The following PDZRN4 variants were observed in gnomAD, a reference collection of about 807,000 sequenced individuals.
PDZRN4 encodes the protein PDZ domain containing ring finger 4.
Under a neutral mutation model 99.0 loss-of-function variants are expected in PDZRN4, and 70 were observed. The observed-to-expected ratio is 0.71, with a 90% CI of 0.58 to 0.86. PDZRN4 has a LOEUF of 0.86. Among genes scored for constraint, PDZRN4 ranks in the 40% least tolerant of loss-of-function variants. The probability of loss-of-function intolerance (pLI) is 0.00; values close to 1 mark genes in which losing one functional copy is unlikely to be tolerated. For synonymous variants in PDZRN4, 551 were observed against 501.6 expected (o/e 1.10, Z -1.32); for missense variants, 1,474 against 1,331.2 (o/e 1.11, Z -1.67).
chr12:41,552,560 C>T (rs1184781576), intron 5 of PDZRN4, 96 bp from the exon 6 acceptor site: 4 of 836,148 alleles, frequency 4.8e-6, no homozygotes, highest in Non-Finnish European at 5.8e-6. Context: ...ATTATTAATA[C>T]TTGCCAGAGT....
chr12:41,552,870 G>A (rs1939083316), intron 6 of PDZRN4, 116 bp downstream of exon 6: 4 of 727,090 alleles, frequency 5.5e-6, no homozygotes, highest in Admixed American at 2.4e-5. Context: ...ATTGGAGTTG[G>A]CCATGTTCCA....
intron 3 of PDZRN4, among the ~76,000 whole-genome samples, chr12:41,270,301 C>G (rs199850230): frequency 5.2e-4 from 53 of 101,208 alleles, no homozygotes; most frequent in Admixed American, 2.5e-3. Context: ...GTGTGTGTGT[C>G]TGTGTGTGTG....
chr12:41,555,795 G>A (rs569750460), intron 7 of PDZRN4, 35 bp downstream of exon 7: 52 of 1,489,652 alleles, frequency 3.5e-5, no homozygotes, highest in Non-Finnish European at 4.2e-5. Context: ...AGTTCCCCAC[G>A]ATCTGTCCAA....
At chr12:41,290,732 G>A (rs186947802) in intron 3 of PDZRN4, among the ~76,000 whole-genome samples, 1 of 152,034 alleles carries the variant, frequency 6.6e-6, no homozygotes. Flanking sequence ...AGAAAAATAG[G>A]TATTCAACAA....
intron 3 of PDZRN4, among the ~76,000 whole-genome samples, chr12:41,337,440 G>A (rs1471994559): frequency 1.3e-5 from 2 of 152,028 alleles, no homozygotes; most frequent in Non-Finnish European, 2.9e-5. Flanking sequence ...ACCAAAAATG[G>A]GGAAGATAAA....
chr12:41,214,528 T>C (rs1950908965), intron 3 of PDZRN4, among the ~76,000 whole-genome samples: 1 of 150,802 alleles, frequency 6.6e-6, no homozygotes, highest in Non-Finnish European at 1.5e-5. Context: ...CTGAGTAGAA[T>C]TCTGGCTAGA....
intron 3 of PDZRN4, among the ~76,000 whole-genome samples, chr12:41,476,855 G>A (rs534421029): frequency 6.6e-6 from 1 of 152,322 alleles, no homozygotes; most frequent in Admixed American, 6.5e-5. Flanking sequence ...AGCTGCAGAT[G>A]CAAGGCAGGT....
chr12:41,259,378 C>CA (rs1262190927), intron 3 of PDZRN4, among the ~76,000 whole-genome samples: 5 of 152,080 alleles, frequency 3.3e-5, no homozygotes, highest in Admixed American at 2.6e-4. Flanking sequence ...GAGTGAGGGA[C>CA]ATGCTTACGT....
chr12:41,445,468 C>T (rs2120481931), intron 3 of PDZRN4, among the ~76,000 whole-genome samples: 1 of 152,122 alleles, frequency 6.6e-6, no homozygotes, highest in East Asian at 1.9e-4. Context: ...CAAAAATCCT[C>T]CCACAACAGT....
At chr12:41,233,118 G>C (rs1951039911) in intron 3 of PDZRN4, among the ~76,000 whole-genome samples, 1 of 152,080 alleles carries the variant, frequency 6.6e-6, no homozygotes, top group Non-Finnish European at 1.5e-5. Context: ...CCCCATCAAA[G>C]TGGGTGAAGG....
intron 3 of PDZRN4, among the ~76,000 whole-genome samples, chr12:41,484,255 T>C (rs1363837042): frequency 6.6e-6 from 1 of 152,220 alleles, no homozygotes; most frequent in Non-Finnish European, 1.5e-5. Context: ...GAGATCAAAG[T>C]AAATCTATGT....
At chr12:41,286,820 C>A (rs1321386694) in intron 3 of PDZRN4, among the ~76,000 whole-genome samples, 4 of 152,062 alleles carry the variant, frequency 2.6e-5, no homozygotes, top group African/African-American at 4.8e-5. Context: ...TGACACACAC[C>A]CCATACATGC....
At chr12:41,230,301 C>G (rs916365684) in intron 3 of PDZRN4, among the ~76,000 whole-genome samples, 1 of 151,978 alleles carries the variant, frequency 6.6e-6, no homozygotes, top group Non-Finnish European at 1.5e-5. Flanking sequence ...ATGATTGCCT[C>G]AGTTGCAAAT....
intron 3 of PDZRN4, chr12:41,438,153 T>A: frequency 2.0e-6 from 2 of 1,023,850 alleles, no homozygotes; most frequent in Non-Finnish European, 2.8e-6. Context: ...TTGGGGCTTT[T>A]AATTTTGGTT....
At chr12:41,460,346 C>G (rs1439836161) in intron 3 of PDZRN4, among the ~76,000 whole-genome samples, 1 of 152,158 alleles carries the variant, frequency 6.6e-6, no homozygotes, top group Non-Finnish European at 1.5e-5. Flanking sequence ...TTCAAACTTT[C>G]TAGTGCATAA....
At chr12:41,270,856 T>C (rs1386127881) in intron 3 of PDZRN4, among the ~76,000 whole-genome samples, 2 of 152,026 alleles carry the variant, frequency 1.3e-5, no homozygotes, top group Non-Finnish European at 2.9e-5. Context: ...GTATATGTAG[T>C]GGGGAAGTAA....
intron 3 of PDZRN4, among the ~76,000 whole-genome samples, chr12:41,343,666 C>T (rs1029335720): frequency 2.0e-5 from 3 of 151,868 alleles, no homozygotes; most frequent in Non-Finnish European, 4.4e-5. Flanking sequence ...TGGTGTTCTA[C>T]TGCACAGTAG....
Position 41,538,887 on chromosome 12 carries a change from C to T in PDZRN4, c.1204-13769C>T, listed in dbSNP as rs908496907. On this transcript the variant is annotated intron_variant, in intron 5 of 9. Coordinates refer to ENST00000402685, the MANE Select transcript of PDZRN4 (RefSeq NM_001164595.2). ...ATGAATTATTGATATATATGTGTGA[C>T]AGTATATACATTCTTATGAAAATTT... 5.9e-5 allele frequency among the ~76,000 whole-genome samples: 9 copies of T among 151,780 alleles called. 1 individual carries two copies. Among genetic ancestry groups the T allele is most frequent in the African/African-American group, 2.2e-4 (9 of 41,344 alleles).
rs373555348 is a variant in PDZRN4, at chr12:41,345,210, C to T, written c.843+151022C>T. On this transcript the variant is annotated intron_variant, in intron 3 of 9. Coordinates refer to ENST00000402685, the MANE Select transcript of PDZRN4 (RefSeq NM_001164595.2). ...CATGGGGCTGGCCAGAGAATGTTCT[C>T]ATTATGTGTGGCGAGCAGTTAGTCA... is the stretch of plus-strand genomic sequence containing the variant. 4.6e-5 allele frequency among the ~76,000 whole-genome samples: 7 copies of T among 152,198 alleles called. No individual in the cohort carries two copies. In the East Asian group the frequency reaches 5.8e-4, roughly 13 times the overall value.
Sources: gnomAD v4.1 joint callset for allele counts (sites outside exome capture counted in the v4.1 genomes callset) on GRCh38, gnomAD v4.1.1 for gene constraint, MANE v1.5 for transcripts, NCBI Gene and HGNC (gene_info 2026-07-23, HGNC 2026-07-21) for gene names.